The following CNTNAP2 variants were observed in gnomAD, a reference collection of about 807,000 sequenced individuals.
CNTNAP2 encodes contactin associated protein 2.
Under a neutral mutation model 155.2 loss-of-function variants are expected in CNTNAP2, and 98 were observed. The ratio of observed to expected loss-of-function variants is 0.63; its 90% CI spans 0.54 to 0.75. CNTNAP2 has a LOEUF of 0.75. CNTNAP2 is among the 30% of genes least tolerant of loss of function. The pLI is 0.00. For missense variants in CNTNAP2, 1,727 were observed against 1,688.1 expected, an observed-to-expected ratio of 1.02 and a Z score of -0.40; for synonymous variants, 651 against 631.2, an observed-to-expected ratio of 1.03 and a Z score of -0.47.
chr7:146,699,334 A>T (rs997358919), intron 1 of CNTNAP2, among the ~76,000 whole-genome samples: 1 of 152,196 alleles, frequency 6.6e-6, no homozygotes, highest in Non-Finnish European at 1.5e-5. Flanking sequence ...TTGGGTTGCC[A>T]CAGAGAACTT....
At chr7:146,884,953 A>G (rs538147206) in intron 3 of CNTNAP2, among the ~76,000 whole-genome samples, 1 of 152,308 alleles carries the variant, frequency 6.6e-6, no homozygotes, top group Admixed American at 6.5e-5. Context: ...AGTCTCTACA[A>G]GCCTAATCAC....
intron 1 of CNTNAP2, among the ~76,000 whole-genome samples, chr7:146,330,084 A>G (rs1265609388): frequency 3.9e-5 from 5 of 127,532 alleles, no homozygotes; most frequent in Admixed American, 2.0e-4. Flanking sequence ...GTGCAATGGC[A>G]CAATCTTGGC....
At chr7:147,142,318 T>A (rs535440459) in intron 8 of CNTNAP2, among the ~76,000 whole-genome samples, 51 of 152,300 alleles carry the variant, frequency 3.3e-4, no homozygotes, top group African/African-American at 1.1e-3. Context: ...CTTTTCTGCA[T>A]CTATTGAGAT....
chr7:146,577,595 A>G (rs930526648), intron 1 of CNTNAP2, among the ~76,000 whole-genome samples: 5 of 152,106 alleles, frequency 3.3e-5, no homozygotes, highest in African/African-American at 1.2e-4. Flanking sequence ...TCAACTTAAA[A>G]AAAGTGGATT....
chr7:146,823,671 C>T (rs1414605586), intron 2 of CNTNAP2, among the ~76,000 whole-genome samples: 1 of 151,412 alleles, frequency 6.6e-6, no homozygotes, highest in Non-Finnish European at 1.5e-5. Context: ...TATGAGTATA[C>T]TCATTCTTCA....
At chr7:147,263,423 G>A (rs927749511) in intron 8 of CNTNAP2, among the ~76,000 whole-genome samples, 2 of 151,830 alleles carry the variant, frequency 1.3e-5, no homozygotes, top group African/African-American at 4.8e-5. Context: ...CTGGGAGTCT[G>A]CAAGGTCTTC....
intron 4 of CNTNAP2, among the ~76,000 whole-genome samples, chr7:147,069,133 G>T (rs1301050818): frequency 2.0e-5 from 3 of 152,086 alleles, no homozygotes; most frequent in African/African-American, 7.2e-5. Context: ...CCGGGGAAGG[G>T]CACAGAGCCA....
chr7:147,595,705 A>G (rs1297436270), intron 12 of CNTNAP2, among the ~76,000 whole-genome samples: 1 of 152,190 alleles, frequency 6.6e-6, no homozygotes, highest in Non-Finnish European at 1.5e-5. Flanking sequence ...CTTTACCTGA[A>G]CGATTGTTGT....
At chr7:146,644,089 C>T (rs570149239) in intron 1 of CNTNAP2, among the ~76,000 whole-genome samples, 184 of 152,280 alleles carry the variant, frequency 1.2e-3, no homozygotes, top group Non-Finnish European at 2.1e-3. Context: ...TCTAGATATA[C>T]AATCATGTCG....
intron 16 of CNTNAP2, among the ~76,000 whole-genome samples, chr7:148,134,929 C>A (rs1293263134): frequency 6.6e-6 from 1 of 151,104 alleles, no homozygotes. Flanking sequence ...TTTATATATA[C>A]TTTTTTTTTA....
chr7:146,860,337 A>G (rs1409686290), intron 3 of CNTNAP2, among the ~76,000 whole-genome samples: 1 of 152,126 alleles, frequency 6.6e-6, no homozygotes, highest in Non-Finnish European at 1.5e-5. Flanking sequence ...TTTATCTTTT[A>G]TAGGCCAGGC....
chr7:147,201,986 C>A (rs1232163582), intron 8 of CNTNAP2, among the ~76,000 whole-genome samples: 1 of 152,010 alleles, frequency 6.6e-6, no homozygotes, highest in Non-Finnish European at 1.5e-5. Flanking sequence ...GAACGAATGT[C>A]CTTTACATAA....
chr7:146,159,462 C>G (rs1312601319), intron 1 of CNTNAP2, among the ~76,000 whole-genome samples: 10 of 152,122 alleles, frequency 6.6e-5, no homozygotes, highest in Non-Finnish European at 1.2e-4. Flanking sequence ...GATAAAGAGT[C>G]AAGACCCATC....
At chr7:147,919,749 C>G (rs188055813) in intron 14 of CNTNAP2, among the ~76,000 whole-genome samples, 1 of 151,574 alleles carries the variant, frequency 6.6e-6, no homozygotes, top group African/African-American at 2.4e-5. Flanking sequence ...TGAGCCACCA[C>G]GCCCAGCCTA....
chr7:147,589,012 T>C (rs552376209), intron 12 of CNTNAP2, among the ~76,000 whole-genome samples: 1 of 152,320 alleles, frequency 6.6e-6, no homozygotes, highest in Non-Finnish European at 1.5e-5. Flanking sequence ...CCTAAGTGAA[T>C]GTTTGGTCAC....
chr7:148,231,296 A>G (rs575807611), intron 20 of CNTNAP2, among the ~76,000 whole-genome samples: 1 of 152,310 alleles, frequency 6.6e-6, no homozygotes, highest in African/African-American at 2.4e-5. Flanking sequence ...TGGAGCAGCC[A>G]GAGACCTGCA....
chr7:147,900,076 C>T (rs2116745109), intron 13 of CNTNAP2, among the ~76,000 whole-genome samples: 1 of 152,234 alleles, frequency 6.6e-6, no homozygotes, highest in Middle Eastern at 3.4e-3. Context: ...ACTCTTAGTT[C>T]CCCATCTTAA....
chr7:146,275,145 G>T (rs1279033508), intron 1 of CNTNAP2, among the ~76,000 whole-genome samples: 1 of 152,188 alleles, frequency 6.6e-6, no homozygotes, highest in Non-Finnish European at 1.5e-5. Context: ...TCCATTGAAA[G>T]TCAATTCTCC....
chr7:146,335,867 A>C (rs573229836), intron 1 of CNTNAP2, among the ~76,000 whole-genome samples: 1 of 152,186 alleles, frequency 6.6e-6, no homozygotes, highest in South Asian at 2.1e-4. Context: ...ATTCCTTAAA[A>C]CAAGGAACAC....
Sources: gnomAD v4.1 joint callset for allele counts (sites outside exome capture counted in the v4.1 genomes callset) on GRCh38, gnomAD v4.1.1 for gene constraint, MANE v1.5 for transcripts, NCBI Gene and HGNC (gene_info 2026-07-23, HGNC 2026-07-21) for gene names.